PLCH1: variants seen among roughly 807,000 people sequenced by gnomAD.
PLCH1 encodes phospholipase C eta 1.
A neutral mutation model predicts 126.7 loss-of-function variants in PLCH1; 60 were observed. The ratio of observed to expected loss-of-function variants is 0.47; its 90% CI spans 0.38 to 0.59. The LOEUF (loss-of-function observed/expected upper bound fraction) is 0.59, where lower values mean the gene tolerates loss of function less well. Ranked by LOEUF, PLCH1 falls within the 20% of genes least tolerant of loss-of-function variation. PLCH1 has a pLI of 0.00. For synonymous variants in PLCH1, 719 were observed against 734.9 expected (o/e 0.98, Z 0.35); for missense variants, 1,723 against 2,040.0 (o/e 0.84, Z 2.99).
intron 2 of PLCH1, among the ~76,000 whole-genome samples, chr3:155,655,039 T>C (rs1447423346): frequency 6.6e-6 from 1 of 152,198 alleles, no homozygotes; most frequent in African/African-American, 2.4e-5. Flanking sequence ...GTTCTCTTCC[T>C]GAACACTCTG....
intron 4 of PLCH1, among the ~76,000 whole-genome samples, chr3:155,590,281 A>G (rs985631479): frequency 6.6e-6 from 1 of 152,196 alleles, no homozygotes; most frequent in Non-Finnish European, 1.5e-5. Context: ...TGATCCCATT[A>G]TTAAGATACT....
chr3:155,611,139 C>G (rs12633252), intron 2 of PLCH1, among the ~76,000 whole-genome samples: 25,731 of 152,176 alleles, frequency 0.17, 2,561 homozygotes, highest in African/African-American at 0.27. Context: ...ACGGCTCACA[C>G]CTGTAATCCC....
chr3:155,605,136 C>G (rs957530089), intron 2 of PLCH1, among the ~76,000 whole-genome samples: 1 of 152,124 alleles, frequency 6.6e-6, no homozygotes, highest in African/African-American at 2.4e-5. Context: ...GGAGCATGAC[C>G]CTGTGACCCT....
At chr3:155,728,652 A>C (rs928980604) in intron 1 of PLCH1, among the ~76,000 whole-genome samples, 10 of 152,208 alleles carry the variant, frequency 6.6e-5, no homozygotes, top group Non-Finnish European at 4.4e-5. Context: ...AACAAGACAG[A>C]GCCCTACTAA....
At chr3:155,502,547 G>T (rs1407205153) in intron 13 of PLCH1, among the ~76,000 whole-genome samples, 2 of 152,118 alleles carry the variant, frequency 1.3e-5, no homozygotes, top group Non-Finnish European at 2.9e-5. Context: ...AGTAATTTGA[G>T]TTATACAGTA....
chr3:155,473,253 A>G (rs1332844805), intron 21 of PLCH1, among the ~76,000 whole-genome samples: 7 of 150,990 alleles, frequency 4.6e-5, no homozygotes, highest in East Asian at 1.9e-4. Context: ...AAATCAATGT[A>G]CAAAAATCAC....
At chr3:155,538,202 G>T (rs78588425) in intron 10 of PLCH1, among the ~76,000 whole-genome samples, 3 of 152,044 alleles carry the variant, frequency 2.0e-5, no homozygotes, top group Non-Finnish European at 2.9e-5. Context: ...TGAACTGAAC[G>T]ATAATAGTGA....
At chr3:155,690,329 A>T (rs1242984524) in intron 2 of PLCH1, among the ~76,000 whole-genome samples, 1 of 152,250 alleles carries the variant, frequency 6.6e-6, no homozygotes, top group Non-Finnish European at 1.5e-5. Context: ...AATGAAAGCT[A>T]AGGACTTTGT....
At chr3:155,696,885 C>T (rs1577334470) in intron 2 of PLCH1, among the ~76,000 whole-genome samples, 2 of 152,162 alleles carry the variant, frequency 1.3e-5, no homozygotes, top group Admixed American at 6.5e-5. Context: ...CCATCCAAGG[C>T]TTTCACTTGG....
chr3:155,501,048 C>A (rs1291407667), intron 13 of PLCH1, among the ~76,000 whole-genome samples: 3 of 152,090 alleles, frequency 2.0e-5, no homozygotes, highest in Non-Finnish European at 4.4e-5. Flanking sequence ...GTTGATGTAT[C>A]AGAAAGACTT....
intron 2 of PLCH1, among the ~76,000 whole-genome samples, chr3:155,634,835 A>G (rs1021544641): frequency 2.6e-5 from 4 of 152,250 alleles, no homozygotes; most frequent in Non-Finnish European, 5.9e-5. Context: ...TTTAAATGAC[A>G]GAGTGGAGGA....
At chr3:155,672,000 C>G (rs934871005) in intron 2 of PLCH1, among the ~76,000 whole-genome samples, 10 of 151,986 alleles carry the variant, frequency 6.6e-5, no homozygotes, top group African/African-American at 2.4e-4. Flanking sequence ...CAAGGCGTAA[C>G]AAAAAACTCT....
At position 155,481,786 on chromosome 3, in the gene PLCH1, T is replaced by C. The variant is rs763459193; in HGVS notation, c.4240A>G (p.Asn1414Asp). ...TGAGTTTTGACATCTTGAATATTGT[T>C]GAATATTTCAGGGACAGAAGGGCGG... ...TLRPSVPEIFNNIQDVKTQSI... is the reference protein window; with the variant it reads ...TLRPSVPEIFDNIQDVKTQSI... The change falls in exon 23 of 23, where the codon AAC becomes GAC. Residue 1414 changes from asparagine to aspartate, a missense_variant. Around this residue, in one of 2 missense-constraint regions of PLCH1, gnomAD observed 947 missense variants for 977.1 expected, o/e 0.97. Transcript: ENST00000460012. This position sits in a 1 kb window ranked among gnomAD's most constrained non-coding sequence, Gnocchi z 4.2. The C allele has an allele frequency of 4.3e-6, 7 of 1,614,040 alleles. No individual in the cohort carries two copies. The South Asian group carries it at 6.6e-5, about 15-fold the overall frequency.
chr3:155,576,189 GTTGT>G (rs1308499527), intron 6 of PLCH1, among the ~76,000 whole-genome samples: 1 of 152,090 alleles, frequency 6.6e-6, no homozygotes, highest in Non-Finnish European at 1.5e-5. Flanking sequence ...GATGTAGGTG[GTTGT>G]TTGGCAAATA....
chr3:155,584,860 T>C (rs1408603344), intron 5 of PLCH1, among the ~76,000 whole-genome samples: 3 of 152,134 alleles, frequency 2.0e-5, no homozygotes, highest in East Asian at 1.9e-4. Context: ...CCCTTTAGGA[T>C]TGGCCTCTTA....
At chr3:155,452,237 A>G (rs1481442904) in intron 21 of PLCH1, among the ~76,000 whole-genome samples, 1 of 152,196 alleles carries the variant, frequency 6.6e-6, no homozygotes, top group African/African-American at 2.4e-5. Context: ...TGCAAAAGCA[A>G]AAATCCTTGA....
intron 11 of PLCH1, among the ~76,000 whole-genome samples, 189 bp downstream of exon 11, chr3:155,523,708 G>A (rs957366317): frequency 6.6e-6 from 1 of 152,182 alleles, no homozygotes; most frequent in Non-Finnish European, 1.5e-5. Context: ...TCAGACACAA[G>A]AATCCTTGAC....
In PLCH1 at chr3:155,618,179, A is replaced by G. The variant is rs747740704; in HGVS notation, c.80-21801T>C. Among the ~76,000 whole-genome samples, 51 of 152,232 alleles carry G rather than the reference A, an allele frequency of 3.4e-4. 1 individual carries two copies. The highest frequency in any genetic ancestry group is 1.0e-4 in the Non-Finnish European group (7 of 68,040). On this transcript the variant is annotated intron_variant, in intron 2 of 22. Coordinates refer to ENST00000460012, the MANE Select transcript of PLCH1 (RefSeq NM_014996.4). ...AAAAATGAGAGAATGGAGAAAGATT[A>G]TAATACACCTATTGTTAGATTCTAG...
intron 10 of PLCH1, among the ~76,000 whole-genome samples, chr3:155,531,920 A>C (rs1056044997): frequency 6.6e-6 from 1 of 152,160 alleles, no homozygotes; most frequent in African/African-American, 2.4e-5. Context: ...TATCCAGACC[A>C]CTCAAACTTT....
Sources: allele counts gnomAD v4.1 joint callset (sites outside exome capture counted in the v4.1 genomes callset), GRCh38; gene constraint gnomAD v4.1.1; regional missense constraint gnomAD v4.1.1; non-coding constraint Gnocchi (gnomAD v3.1); transcripts MANE v1.5; gene names NCBI Gene and HGNC (gene_info 2026-07-23, HGNC 2026-07-21).